The following BCKDHB variants were observed in gnomAD, a reference collection of about 807,000 sequenced individuals.
BCKDHB encodes branched chain keto acid dehydrogenase E1 subunit beta, also known as 2-oxoisovalerate dehydrogenase subunit beta, mitochondrial.
Under a neutral mutation model 48.5 loss-of-function variants are expected in BCKDHB, and 41 were observed. The ratio of observed to expected loss-of-function variants is 0.85; its 90% CI spans 0.66 to 1.10. The LOEUF is 1.10. BCKDHB is among the 50% of genes least tolerant of loss of function. The pLI, the probability that BCKDHB is intolerant of heterozygous loss-of-function variation, is 0.00. For synonymous variants in BCKDHB, 201 were observed against 174.8 expected (o/e 1.15, Z -1.18); for missense variants, 496 against 494.2 (o/e 1.00, Z -0.03).
chr6:80,280,875 G>A (rs1395124866), intron 9 of BCKDHB, among the ~76,000 whole-genome samples: 2 of 152,138 alleles, frequency 1.3e-5, no homozygotes, highest in African/African-American at 2.4e-5. Flanking sequence ...AAGACTTGCT[G>A]ACTCACAGGA....
the BCKDHB span, among the ~76,000 whole-genome samples, chr6:80,375,082 G>A: frequency 6.4e-4 from 98 of 152,142 alleles, no homozygotes; most frequent in Non-Finnish European, 9.1e-4. Flanking sequence ...AGTTCTTAAA[G>A]TCCTTTCCTT....
chr6:80,275,314 A>T (rs73463537), intron 9 of BCKDHB, among the ~76,000 whole-genome samples: 16,551 of 152,060 alleles, frequency 0.11, 1,112 homozygotes, highest in South Asian at 0.25. Flanking sequence ...ATGCACTCTT[A>T]ATTCAAAATC....
intron 8 of BCKDHB, among the ~76,000 whole-genome samples, chr6:80,271,265 G>A (rs1422345909): frequency 6.6e-6 from 1 of 152,054 alleles, no homozygotes; most frequent in African/African-American, 2.4e-5. Context: ...CATGTCCTTA[G>A]TCTTTTTCAT....
chr6:80,138,091 T>C (rs563636843), intron 3 of BCKDHB, among the ~76,000 whole-genome samples: 2 of 151,840 alleles, frequency 1.3e-5, no homozygotes, highest in South Asian at 2.1e-4. Flanking sequence ...CTAAAAAAAA[T>C]AGTGCAGCAA....
At chr6:80,453,711 G>T in the BCKDHB span, among the ~76,000 whole-genome samples, 40 of 152,310 alleles carry the variant, frequency 2.6e-4, 2 homozygotes, top group South Asian at 7.7e-3. Context: ...AGTGTCGGGT[G>T]TGCGATGGGG....
At chr6:80,127,872 C>G (rs560236821) in intron 2 of BCKDHB, among the ~76,000 whole-genome samples, 1 of 152,238 alleles carries the variant, frequency 6.6e-6, no homozygotes, top group East Asian at 1.9e-4. Flanking sequence ...TTAATAACTT[C>G]TGGATTAAAA....
chr6:80,429,882 C>A, the BCKDHB span, among the ~76,000 whole-genome samples: 1 of 152,152 alleles, frequency 6.6e-6, no homozygotes, highest in Non-Finnish European at 1.5e-5. Flanking sequence ...ATTGCCCTGG[C>A]CAGAACTTCC....
the BCKDHB span, among the ~76,000 whole-genome samples, chr6:80,440,083 A>G: frequency 6.6e-6 from 1 of 152,326 alleles, no homozygotes; most frequent in Non-Finnish European, 1.5e-5. Context: ...ATCAAGATTT[A>G]CTGGTAGAGA....
At chr6:80,246,378 A>G (rs915700812) in intron 8 of BCKDHB, among the ~76,000 whole-genome samples, 1 of 152,108 alleles carries the variant, frequency 6.6e-6, no homozygotes, top group Non-Finnish European at 1.5e-5. Flanking sequence ...GTTATCCTGC[A>G]TTGCTATACA....
chr6:80,417,289 G>T, the BCKDHB span, among the ~76,000 whole-genome samples: 1 of 151,964 alleles, frequency 6.6e-6, no homozygotes, highest in Non-Finnish European at 1.5e-5. Context: ...GTGGGTCTTG[G>T]TTCTTTATCT....
intron 9 of BCKDHB, chr6:80,307,651 T>TA: frequency 2.0e-6 from 2 of 976,276 alleles, no homozygotes; most frequent in South Asian, 4.7e-5. Flanking sequence ...ATAGAAAATG[T>TA]AAAAAAAATT....
intron 6 of BCKDHB, among the ~76,000 whole-genome samples, chr6:80,189,888 T>G (rs1773813047): frequency 6.6e-6 from 1 of 152,162 alleles, no homozygotes; most frequent in Non-Finnish European, 1.5e-5. Context: ...TCTAGCTAAT[T>G]TATATATCTT....
intron 9 of BCKDHB, among the ~76,000 whole-genome samples, chr6:80,303,157 G>A (rs763688564): frequency 9.9e-5 from 15 of 151,932 alleles, no homozygotes; most frequent in African/African-American, 1.7e-4. Context: ...TTGGATTTAC[G>A]TAATCTTTTA....
chr6:80,333,453 C>T (rs946513026), intron 9 of BCKDHB, among the ~76,000 whole-genome samples: 1 of 152,138 alleles, frequency 6.6e-6, no homozygotes, highest in African/African-American at 2.4e-5. Flanking sequence ...TACACATGCA[C>T]ATATTCCTTT....
At chr6:80,212,715 A>C (rs1774995302) in intron 8 of BCKDHB, among the ~76,000 whole-genome samples, 1 of 152,222 alleles carries the variant, frequency 6.6e-6, no homozygotes, top group Non-Finnish European at 1.5e-5. Context: ...ATGTCCATGA[A>C]ATCTTCACAA....
chr6:80,150,702 G>A (rs576429313), intron 3 of BCKDHB, among the ~76,000 whole-genome samples: 2 of 151,712 alleles, frequency 1.3e-5, no homozygotes, highest in Non-Finnish European at 2.9e-5. Context: ...GATTACAGGC[G>A]TGCACCACCA....
At chr6:80,287,183 C>A (rs953073379) in intron 9 of BCKDHB, among the ~76,000 whole-genome samples, 2 of 152,116 alleles carry the variant, frequency 1.3e-5, no homozygotes, top group Non-Finnish European at 2.9e-5. Flanking sequence ...TCAGAGAGAT[C>A]CCAAGCTGGT....
At chr6:80,121,473 A>T (rs1225560774) in intron 1 of BCKDHB, among the ~76,000 whole-genome samples, 2 of 152,126 alleles carry the variant, frequency 1.3e-5, no homozygotes, top group Non-Finnish European at 2.9e-5. Context: ...ATTTTCACAA[A>T]CAGATTCTTC....
At chr6:80,291,639 A>T (rs931516521) in intron 9 of BCKDHB, among the ~76,000 whole-genome samples, 2 of 152,222 alleles carry the variant, frequency 1.3e-5, no homozygotes, top group Non-Finnish European at 2.9e-5. Flanking sequence ...TCTAATTTCT[A>T]CATTATCCAT....
Sources: allele counts gnomAD v4.1 joint callset (sites outside exome capture counted in the v4.1 genomes callset), GRCh38; gene constraint gnomAD v4.1.1; transcripts MANE v1.5; gene names NCBI Gene and HGNC (gene_info 2026-07-23, HGNC 2026-07-21).